PDS5A: variants seen among roughly 807,000 people sequenced by gnomAD.
PDS5A encodes the protein sister chromatid cohesion protein PDS5 homolog A.
PDS5A carries 42 observed loss-of-function variants against 167.1 expected under a neutral mutation model. The observed-to-expected ratio is 0.25, with a 90% CI of 0.20 to 0.33. The LOEUF (loss-of-function observed/expected upper bound fraction) is 0.33. PDS5A is among the 10% of genes least tolerant of loss of function. The probability of loss-of-function intolerance (pLI) is 1.00; values close to 1 mark genes in which losing one functional copy is unlikely to be tolerated. For synonymous variants in PDS5A, 553 were observed against 554.6 expected (o/e 1.00, Z 0.04); for missense variants, 1,033 against 1,605.9 (o/e 0.64, Z 6.10).
chr4:39,880,248 A>G (rs11733911), intron 17 of PDS5A, among the ~76,000 whole-genome samples: 106,304 of 152,052 alleles, frequency 0.7, 38,712 homozygotes, highest in Middle Eastern at 0.85. Flanking sequence ...TTAATCACTG[A>G]TAATTTACTG....
intron 2 of PDS5A, among the ~76,000 whole-genome samples, chr4:39,948,081 AT>A (rs1387191547): frequency 6.6e-6 from 1 of 151,902 alleles, no homozygotes; most frequent in Non-Finnish European, 1.5e-5. Context: ...GCAAGACCCC[AT>A]TTCTACTAAA....
intron 16 of PDS5A, among the ~76,000 whole-genome samples, chr4:39,892,843 C>T (rs995696729): frequency 1.3e-5 from 2 of 152,136 alleles, no homozygotes; most frequent in Non-Finnish European, 2.9e-5. Flanking sequence ...TACATCATAA[C>T]CTATTTTAAA....
At chr4:39,890,507 C>A (rs987934473) in intron 16 of PDS5A, 143 bp from the exon 17 acceptor site, 3 of 554,596 alleles carry the variant, frequency 5.4e-6, no homozygotes, top group Non-Finnish European at 9.5e-6. Flanking sequence ...AATTTTTACA[C>A]CCCGAGCAAT....
In PDS5A at chr4:39,869,497, GA is replaced by G. The variant is rs34039605; in HGVS notation, c.2437-36del. 1.1e-3 allele frequency: 1,248 copies of G among 1,128,114 alleles called. 1 individual carries two copies. The highest frequency in any genetic ancestry group is 1.3e-3 in the Non-Finnish European group (963 of 765,334). 69.9% of individuals were successfully genotyped at this position (1,128,114 alleles called of 1,614,324 possible). On this transcript the variant is annotated intron_variant, in intron 21 of 32. Transcript: ENST00000303538. ...ATTGAATAAATTTAGCTATTAGCAT[GA>G]AAAAAAAAATTTATGTTTTTGCTGA... is the stretch of plus-strand genomic sequence containing the variant.
intron 32 of PDS5A, among the ~76,000 whole-genome samples, chr4:39,827,359 C>A (rs1372763048): frequency 6.6e-6 from 1 of 152,126 alleles, no homozygotes; most frequent in African/African-American, 2.4e-5. Context: ...AGCCCTGAGT[C>A]CTCTGTATTT....
At chr4:39,876,573 CTTT>C (rs1720478700) in intron 19 of PDS5A, among the ~76,000 whole-genome samples, 1 of 152,082 alleles carries the variant, frequency 6.6e-6, no homozygotes, top group Non-Finnish European at 1.5e-5. Context: ...TCACCTTAAC[CTTT>C]TTAAGATGCC....
intron 3 of PDS5A, 147 bp from the exon 4 acceptor site, chr4:39,927,008 TATTCAAAATG>T: frequency 1.6e-6 from 1 of 616,696 alleles, no homozygotes; most frequent in South Asian, 5.6e-5. Flanking sequence ...CCTAATCCAT[TATTCAAAATG>T]ATTCAAAAGA....
At chr4:39,858,312 A>C (rs1718700708) in intron 26 of PDS5A, among the ~76,000 whole-genome samples, 1 of 152,238 alleles carries the variant, frequency 6.6e-6, no homozygotes, top group Non-Finnish European at 1.5e-5. Flanking sequence ...TCAATTCTGA[A>C]ACTTATTATA....
chr4:39,860,176 C>T (rs1718865917), intron 26 of PDS5A, among the ~76,000 whole-genome samples: 1 of 152,050 alleles, frequency 6.6e-6, no homozygotes, highest in Non-Finnish European at 1.5e-5. Context: ...GAATTCAGTA[C>T]ATCTTGGCCG....
chr4:39,947,020 T>G (rs1199960691), intron 2 of PDS5A, among the ~76,000 whole-genome samples: 1 of 151,020 alleles, frequency 6.6e-6, no homozygotes, highest in Non-Finnish European at 1.5e-5. Context: ...GTGAGGGGAA[T>G]TACTTCAGGC....
intron 26 of PDS5A, among the ~76,000 whole-genome samples, chr4:39,854,249 GCCAAGATCACA>G (rs1718353936): frequency 6.6e-6 from 1 of 152,194 alleles, no homozygotes; most frequent in South Asian, 2.1e-4. Flanking sequence ...GTTGCAATGA[GCCAAGATCACA>G]CCACTGCACT....
intron 21 of PDS5A, 131 bp downstream of exon 21, chr4:39,872,848 TAAATAAA>T: frequency 2.2e-6 from 1 of 462,918 alleles, no homozygotes; most frequent in Non-Finnish European, 3.6e-6. Context: ...CGAATTTAAA[TAAATAAA>T]AAATAAGTAG....
At chr4:39,911,689 G>T (rs770509410) in intron 9 of PDS5A, among the ~76,000 whole-genome samples, 1 of 151,856 alleles carries the variant, frequency 6.6e-6, no homozygotes, top group Non-Finnish European at 1.5e-5. Context: ...AAAATTAGCC[G>T]GGCGCACTGG....
At chr4:39,973,591 G>C (rs1578859753) in intron 2 of PDS5A, 3 of 1,280,470 alleles carry the variant, frequency 2.3e-6, no homozygotes, top group Admixed American at 1.7e-5. Context: ...GTTTGGTTTC[G>C]TATGTTTCTC....
intron 9 of PDS5A, among the ~76,000 whole-genome samples, chr4:39,911,862 T>C (rs985895178): frequency 6.0e-5 from 9 of 148,862 alleles, no homozygotes; most frequent in Non-Finnish European, 1.3e-4. Context: ...AAAATGCACA[T>C]GTTAAGGATA....
rs370763388 is a variant in PDS5A at position 39,824,915 on chromosome 4, C to T, written c.*570G>A. On this transcript the variant is annotated 3_prime_UTR_variant, in exon 33 of 33. Coordinates refer to ENST00000303538, the MANE Select transcript of PDS5A (RefSeq NM_001100399.2). ...GCAGGGAACCGAAATCTGTACATCT[C>T]ATTTTTGCAGAAAAGTAGGCAGGCA... is the stretch of plus-strand genomic sequence containing the variant. 6.6e-6 allele frequency: 1 copy of T among 152,628 alleles called. No homozygotes were observed. Among genetic ancestry groups the T allele is most frequent in the Non-Finnish European group, 1.5e-5 (1 of 68,042 alleles). 9.5% of individuals were successfully genotyped at this position (152,628 alleles called of 1,614,324 possible). A position where few individuals can be genotyped will look rare whatever the true frequency, so the allele number is the denominator to read the frequency against.
chr4:39,907,821 C>T (rs1429550384), intron 11 of PDS5A, among the ~76,000 whole-genome samples: 6 of 152,082 alleles, frequency 3.9e-5, no homozygotes, highest in Admixed American at 1.3e-4. Flanking sequence ...CTCCTGACCT[C>T]GTGATCCGCC....
At position 39,906,294 on chromosome 4, in the gene PDS5A, G is replaced by C. The variant is rs181666741; in HGVS notation, c.1233+2101C>G. ...GAGGTGGGAGGATCGCTTGAGCCTG[G>C]GAAGAGGAGGGTGCAGTGAGCTGAG... On this transcript the variant is annotated intron_variant, in intron 11 of 32. Coordinates refer to ENST00000303538, the MANE Select transcript of PDS5A (RefSeq NM_001100399.2). 1.7e-3 allele frequency among the ~76,000 whole-genome samples: 262 copies of C among 152,182 alleles called. 1 individual carries two copies. The highest frequency in any genetic ancestry group is 6.8e-3 in the Middle Eastern group (2 of 294).
Position 39,842,204 on chromosome 4 carries a change from G to A in PDS5A, c.3549-148C>T, listed in dbSNP as rs76814900. The A allele has an allele frequency of 4.7e-4, 272 of 575,246 alleles. No homozygotes were observed. The East Asian group carries it at 7.1e-3, about 15-fold the overall frequency. The allele number at this position is 575,246 out of a possible 1,614,324, so 35.6% of individuals were successfully genotyped here. ...AAGATTCGGATACTCTGTAGTTATA[G>A]ACTATTGCTTTAAAAATATCATTTT... On this transcript the variant is annotated intron_variant, in intron 30 of 32. Transcript: ENST00000303538.
Sources: allele counts gnomAD v4.1 joint callset (sites outside exome capture counted in the v4.1 genomes callset), GRCh38; gene constraint gnomAD v4.1.1; transcripts MANE v1.5; gene names NCBI Gene and HGNC (gene_info 2026-07-23, HGNC 2026-07-21).